The following SEC24B variants were observed in gnomAD, a reference collection of about 807,000 sequenced individuals.
SEC24B encodes SEC24 homolog B, COPII component, also known as protein transport protein Sec24B.
Under a neutral mutation model 142.8 loss-of-function variants are expected in SEC24B, and 45 were observed. That is an observed-to-expected ratio of 0.32 (90% confidence interval 0.25 to 0.40). The LOEUF is 0.40. Among genes scored for constraint, SEC24B ranks in the 10% least tolerant of loss-of-function variants. The pLI is 1.00. For synonymous variants in SEC24B, 574 were observed against 568.2 expected, an observed-to-expected ratio of 1.01 and a Z score of -0.15; for missense variants, 1,409 against 1,526.8, an observed-to-expected ratio of 0.92 and a Z score of 1.29.
In SEC24B at chr4:109,491,028, TTTTG is replaced by T. The variant is rs201679219; in HGVS notation, c.1166-295_1166-292del. ...ATTAACATTTCTATCAACCTAAAGT[TTTTG>T]TTTATGTGTTTGACTAGTTTTAATA... On this transcript the variant is annotated intron_variant, in intron 4 of 23. Transcript: ENST00000265175. Among the ~76,000 whole-genome samples, 1,322 of 152,122 alleles carry T rather than the reference TTTTG, an allele frequency of 8.7e-3. 25 individuals carry two copies. The highest frequency in any genetic ancestry group is 0.03 in the African/African-American group (1,262 of 41,556).
At chr4:109,447,825 A>T (rs533006436) in intron 1 of SEC24B, among the ~76,000 whole-genome samples, 5 of 152,198 alleles carry the variant, frequency 3.3e-5, no homozygotes, top group Admixed American at 6.5e-5. Flanking sequence ...TTTATCACCT[A>T]TAGGTTAGAA....
At position 109,489,665 on chromosome 4, in the gene SEC24B, T is replaced by TATATTATAATATATATGGTATATATATG. The variant is rs1199383953; in HGVS notation, c.1166-1658_1166-1657insTATAATATATATGGTATATATATGATAT. Among the ~76,000 whole-genome samples, 702 of 140,164 alleles carry TATATTATAATATATATGGTATATATATG rather than the reference T, an allele frequency of 5.0e-3. 4 individuals are homozygous for TATATTATAATATATATGGTATATATATG. Among genetic ancestry groups the TATATTATAATATATATGGTATATATATG allele is most frequent in the African/African-American group, 0.019 (665 of 35,590 alleles). 92.0% of individuals were successfully genotyped at this position (140,164 alleles called of 152,430 possible). On this transcript the variant is annotated intron_variant, in intron 4 of 23. Coordinates refer to ENST00000265175, the MANE Select transcript of SEC24B (RefSeq NM_006323.5). ...TATGATATATATGGTATATATATGA[T>TATATTATAATATATATGGTATATATATG]ATATACATGTGATATATACATATGA... is the stretch of plus-strand genomic sequence containing the variant.
At chr4:109,512,207 A>T in intron 9 of SEC24B, 124 bp downstream of exon 9, 1 of 837,716 alleles carries the variant, frequency 1.2e-6, no homozygotes, top group Non-Finnish European at 1.8e-6. Context: ...TTTTTAGTAG[A>T]GGGAATATAG....
In SEC24B at chr4:109,516,623, C is replaced by T; in HGVS notation, c.2109C>T (p.Leu703=). The T allele has an allele frequency of 1.3e-6, 2 of 1,594,778 alleles. No homozygotes were observed. Among genetic ancestry groups the T allele is most frequent in the Non-Finnish European group, 1.7e-6 (2 of 1,163,300 alleles). Reference sequence around the variant, plus strand: ...ATTTGACAATTTTGTGCCAGTCACTCCTAGAAAATCTAGACAAGTAAGAAT... The same window carrying T: ...ATTTGACAATTTTGTGCCAGTCACTTCTAGAAAATCTAGACAAGTAAGAAT... ...AGYLTILCQS[L]LENLDKLPGD... Residue 703 remains leucine (L), a synonymous_variant, in exon 11 of 24, where the codon CTC becomes CTT. Transcript: ENST00000265175.
chr4:109,531,808 G>A (rs1231193215), intron 20 of SEC24B, among the ~76,000 whole-genome samples: 1 of 152,042 alleles, frequency 6.6e-6, no homozygotes, highest in South Asian at 2.1e-4. Flanking sequence ...TTGTAGAGTG[G>A]ACATTTCCAT....
At chr4:109,517,179 G>A (rs1723026853) in intron 11 of SEC24B, among the ~76,000 whole-genome samples, 1 of 152,194 alleles carries the variant, frequency 6.6e-6, no homozygotes, top group Non-Finnish European at 1.5e-5. Flanking sequence ...CATGTTTATT[G>A]TAGCATTTGT....
intron 4 of SEC24B, among the ~76,000 whole-genome samples, chr4:109,490,383 T>C (rs1297566663): frequency 1.3e-5 from 2 of 152,082 alleles, no homozygotes; most frequent in African/African-American, 4.8e-5. Context: ...CCTATTACAA[T>C]TGAAAATTAA....
In SEC24B at chr4:109,463,442, T is replaced by C. The variant is rs754091537; in HGVS notation, c.675T>C (p.Asn225=). ...NAPTVRPVKD[N]SFSGQNTAIS... ...CGACTGTTAGGCCAGTTAAAGATAA[T>C]TCATTCTCTGGTCAAAATACAGCTA... Residue 225 remains asparagine (N), a synonymous_variant, in exon 2 of 24, where the codon AAT becomes AAC. Transcript: ENST00000265175. 1.2e-6 allele frequency: 2 copies of C among 1,614,182 alleles called. No homozygotes were observed. The highest frequency in any genetic ancestry group is 3.3e-5 in the Admixed American group (2 of 60,018).
intron 1 of SEC24B, among the ~76,000 whole-genome samples, chr4:109,456,023 A>G (rs1730633290): frequency 6.6e-6 from 1 of 152,222 alleles, no homozygotes; most frequent in South Asian, 2.1e-4. Context: ...ACAGTATGTC[A>G]TTCCATTTCT....
rs758889612 is a variant in SEC24B, at chr4:109,463,047, C to T, written c.280C>T (p.Leu94Phe). Residue 94 changes from leucine (L) to phenylalanine (F), a missense_variant, in exon 2 of 24, where the codon CTC becomes TTC. Leu to Phe is a conservative substitution (Grantham distance 22). Coordinates refer to ENST00000265175, the MANE Select transcript of SEC24B (RefSeq NM_006323.5). Reference protein sequence around the residue: ...DTQCGDYYSALYTVPTQNVTP... With the variant: ...DTQCGDYYSAFYTVPTQNVTP... ...CCAGTGTGGTGATTACTACTCTGCT[C>T]TCTATACAGTACCAACACAAAATGT... 1.1e-5 allele frequency: 17 copies of T among 1,614,044 alleles called. No individual in the cohort carries two copies. In the South Asian group the frequency reaches 1.8e-4, roughly 17 times the overall value.
rs1389255330 is a variant in SEC24B at position 109,473,232 on chromosome 4, G to GT, written c.1060+47dup. 10 of 1,262,376 alleles carry GT rather than the reference G, an allele frequency of 7.9e-6. No homozygotes were observed. The African/African-American group carries it at 1.5e-4, about 20-fold the overall frequency. 78.2% of individuals were successfully genotyped at this position (1,262,376 alleles called of 1,614,324 possible). A position where few individuals can be genotyped will look rare whatever the true frequency, so the allele number is the denominator to read the frequency against. On this transcript the variant is annotated intron_variant, in intron 3 of 23. Coordinates refer to ENST00000265175, the MANE Select transcript of SEC24B (RefSeq NM_006323.5). ...TGTATATGCACACAGACACACATAC[G>GT]TATTTATAGAAGATATGAAAAAAAG...
chr4:109,501,503 C>T (rs1378316163), intron 6 of SEC24B, among the ~76,000 whole-genome samples: 2 of 152,232 alleles, frequency 1.3e-5, no homozygotes, highest in African/African-American at 2.4e-5. Context: ...TGAAGTCTCA[C>T]TCTGTGTCCC....
intron 3 of SEC24B, among the ~76,000 whole-genome samples, chr4:109,476,751 T>C (rs1479973796): frequency 1.4e-5 from 2 of 144,052 alleles, no homozygotes; most frequent in Admixed American, 6.7e-5. Flanking sequence ...TCTGTCTTAC[T>C]TTCTCATCAC....
chr4:109,474,131 G>GT (rs1732821952), intron 3 of SEC24B, among the ~76,000 whole-genome samples: 1 of 152,136 alleles, frequency 6.6e-6, no homozygotes, highest in African/African-American at 2.4e-5. Flanking sequence ...TTCTTACTTG[G>GT]TTTTTTAGGA....
At chr4:109,452,812 A>G (rs942072644) in intron 1 of SEC24B, among the ~76,000 whole-genome samples, 4 of 152,180 alleles carry the variant, frequency 2.6e-5, no homozygotes, top group African/African-American at 4.8e-5. Context: ...CTGATTTGCA[A>G]ACATTTTCTT....
intron 19 of SEC24B, among the ~76,000 whole-genome samples, chr4:109,530,868 C>G (rs1031520662): frequency 2.8e-5 from 4 of 143,206 alleles, no homozygotes; most frequent in Non-Finnish European, 4.5e-5. Flanking sequence ...TGCACCCCAG[C>G]CTGGGCAACA....
chr4:109,473,214 GCA>G, intron 3 of SEC24B, 28 bp downstream of exon 3: 1 of 1,425,934 alleles, frequency 7.0e-7, no homozygotes, highest in Non-Finnish European at 9.4e-7. Flanking sequence ...TATTGTATAT[GCA>G]CACAGACACA....
intron 16 of SEC24B, among the ~76,000 whole-genome samples, chr4:109,525,893 T>C (rs1724169072): frequency 6.6e-6 from 1 of 152,128 alleles, no homozygotes; most frequent in African/African-American, 2.4e-5. Context: ...TTTACCTTTA[T>C]TTTAAATCTA....
intron 4 of SEC24B, among the ~76,000 whole-genome samples, chr4:109,489,574 C>T (rs1734769371): frequency 8.4e-6 from 1 of 118,730 alleles, no homozygotes; most frequent in Admixed American, 7.7e-5. Flanking sequence ...TTCCCCTCCC[C>T]TCAGCCTGGG....
Sources: gnomAD v4.1 joint callset for allele counts (sites outside exome capture counted in the v4.1 genomes callset) on GRCh38, gnomAD v4.1.1 for gene constraint, MANE v1.5 for transcripts, NCBI Gene and HGNC (gene_info 2026-07-23, HGNC 2026-07-21) for gene names.